Variants in MPV17L observed in about 807,000 individuals in gnomAD.
MPV17L encodes mpv17-like protein.
In MPV17L, 24 loss-of-function variants were observed where a neutral mutation model predicts 25.8. The observed-to-expected ratio is 0.93, with a 90% confidence interval of 0.67 to 1.31. The LOEUF is 1.31. Among genes scored for constraint, MPV17L ranks in the 50% most tolerant of loss-of-function variants. MPV17L has a pLI of 0.00. For missense variants in MPV17L, 250 were observed against 265.6 expected, an observed-to-expected ratio of 0.94 and a Z score of 0.41; for synonymous variants, 102 against 115.3, an observed-to-expected ratio of 0.88 and a Z score of 0.74.
At chr16:15,403,007 G>A (rs1227189422) in intron 2 of MPV17L, among the ~76,000 whole-genome samples, 1 of 151,632 alleles carries the variant, frequency 6.6e-6, no homozygotes, top group Non-Finnish European at 1.5e-5. Context: ...TTTAGAAAAA[G>A]GAACAAGTTT....
chr16:15,407,853 G>A lies in MPV17L; in HGVS notation c.411G>A (p.Gln137=), dbSNP rs1232755917. 5 of 1,612,716 alleles carry A rather than the reference G, an allele frequency of 3.1e-6. No individual in the cohort carries two copies. In the East Asian group the frequency reaches 8.9e-5, roughly 29 times the overall value. The change falls in exon 3 of 4, where the codon CAG becomes CAA. Residue 137 remains glutamine, a splice_region_variant and synonymous_variant. Transcript: ENST00000396385. ...GACTGATGTACTGGCCCTTTGTACA[G>A]GTAAGTTCCACCTACTCAGTAATAT... ...LSGLMYWPFV[Q]LTNFSLVPVQ...
Position 15,396,184 on chromosome 16 carries a change from T to C in MPV17L, c.287T>C (p.Ile96Thr). Reference protein sequence around the residue: ...LLCDQVVGAPIAVSAFYVGMS... With the variant: ...LLCDQVVGAPTAVSAFYVGMS... ...TGCGACCAGGTGGTCGGTGCGCCCA[T>C]CGCGGTCTCGGCCTTCTATGTCGGT... is the stretch of plus-strand genomic sequence containing the variant. The change falls in exon 1 of 4, where the codon ATC becomes ACC. Residue 96 changes from isoleucine to threonine, a missense_variant. Coordinates refer to ENST00000396385, the MANE Select transcript of MPV17L (RefSeq NM_001128423.2). 1 of 1,549,786 alleles carries C rather than the reference T, an allele frequency of 6.5e-7. No individual in the cohort carries two copies. Among genetic ancestry groups the C allele is most frequent in the Admixed American group, 2.0e-5 (1 of 51,106 alleles).
In MPV17L at chr16:15,410,112, CTTTA is replaced by C. The variant is rs2050720154; in HGVS notation, c.*2003_*2006del. 1 of 152,110 alleles carries C rather than the reference CTTTA, an allele frequency of 6.6e-6. No homozygotes were observed. Among genetic ancestry groups the C allele is most frequent in the South Asian group, 2.1e-4 (1 of 4,832 alleles). The allele number at this position is 152,110 out of a possible 1,614,324, so 9.4% of individuals were successfully genotyped here. The stretch of plus-strand genomic sequence containing the variant: ...TATTTAATATTTATTCAGTTCTACA[CTTTA>C]TTAACTTCTACACCAGCAGATTTAA... On this transcript the variant is annotated 3_prime_UTR_variant, in exon 4 of 4. Coordinates refer to ENST00000396385, the MANE Select transcript of MPV17L (RefSeq NM_001128423.2).
chr16:15,401,087 T>TATATATATATATATA (rs376853780), intron 2 of MPV17L, among the ~76,000 whole-genome samples: 10 of 17,854 alleles, frequency 5.6e-4, no homozygotes, highest in Non-Finnish European at 8.7e-4. Context: ...TATATATATA[T>TATATATATATATATA]TTTTTTTTTT....
intron 2 of MPV17L, among the ~76,000 whole-genome samples, chr16:15,401,813 T>A (rs1266527763): frequency 6.6e-6 from 1 of 151,984 alleles, no homozygotes; most frequent in Non-Finnish European, 1.5e-5. Flanking sequence ...CAAGACTCCA[T>A]CTCAAAAAAG....
At chr16:15,401,086 AT>A (rs1242552489) in intron 2 of MPV17L, among the ~76,000 whole-genome samples, 19 of 19,856 alleles carry the variant, frequency 9.6e-4, no homozygotes, top group South Asian at 5.8e-3. Context: ...ATATATATAT[AT>A]TTTTTTTTTT....
rs908131991 is a variant in MPV17L, at chr16:15,412,530, G to C, written c.*4418G>C. 3.3e-5 allele frequency: 5 copies of C among 151,078 alleles called. No homozygotes were observed. The highest frequency in any genetic ancestry group is 1.2e-4 in the African/African-American group (5 of 41,202). 9.4% of individuals were successfully genotyped at this position (151,078 alleles called of 1,614,324 possible). On this transcript the variant is annotated 3_prime_UTR_variant, in exon 4 of 4. Coordinates refer to ENST00000396385, the MANE Select transcript of MPV17L (RefSeq NM_001128423.2). The stretch of plus-strand genomic sequence containing the variant: ...AACTATGTTCACTACAATTGACCAA[G>C]TTAAGTGTAGACAGTCTCTTTAATA...
intron 2 of MPV17L, among the ~76,000 whole-genome samples, chr16:15,403,226 G>A (rs1298959237): frequency 9.9e-5 from 15 of 151,862 alleles, no homozygotes; most frequent in Admixed American, 9.9e-4. Flanking sequence ...CAAATTAGCA[G>A]GGCATGGTGG....
chr16:15,399,537 C>T (rs2050616216), intron 1 of MPV17L: 1 of 390,172 alleles, frequency 2.6e-6, no homozygotes, highest in Non-Finnish European at 5.0e-6. Context: ...TCTGGAGTAG[C>T]TGGGACTACA....
rs113378073 is a variant in MPV17L at position 15,410,196 on chromosome 16, A to C, written c.*2084A>C. ...CTTGGACGTAGTGGTTCACGCTTGT[A>C]ATCCCAGCACTTTGGGAGGCTGAGG... On this transcript the variant is annotated 3_prime_UTR_variant, in exon 4 of 4. Transcript: ENST00000396385. The C allele has an allele frequency of 1.3e-5, 2 of 152,216 alleles. No individual in the cohort carries two copies. The highest frequency in any genetic ancestry group is 4.8e-5 in the African/African-American group (2 of 41,458). 9.4% of individuals were successfully genotyped at this position (152,216 alleles called of 1,614,324 possible).
chr16:15,396,241 C>T (rs1218959304), intron 1 of MPV17L, 34 bp downstream of exon 1: 3 of 1,542,050 alleles, frequency 1.9e-6, no homozygotes, highest in African/African-American at 2.7e-5. Flanking sequence ...GGGGGTGGGA[C>T]CCAGTATTGG....
intron 2 of MPV17L, among the ~76,000 whole-genome samples, chr16:15,406,175 C>CA (rs1202532085): frequency 1.3e-5 from 2 of 151,394 alleles, no homozygotes; most frequent in African/African-American, 4.9e-5. Context: ...GCAACAAGAG[C>CA]AAAACTCCAT....
At chr16:15,396,373 G>C (rs1374670732) in intron 1 of MPV17L, among the ~76,000 whole-genome samples, 166 bp downstream of exon 1, 1 of 152,130 alleles carries the variant, frequency 6.6e-6, no homozygotes, top group Non-Finnish European at 1.5e-5. Context: ...GAAGGGCCAG[G>C]GCAAAGGCTA....
intron 2 of MPV17L, among the ~76,000 whole-genome samples, chr16:15,406,827 G>A (rs62039096): frequency 0.035 from 5,352 of 152,204 alleles, 153 homozygotes; most frequent in African/African-American, 0.071. Flanking sequence ...TCAGGAAGCT[G>A]AGGCAGGAGA....
At chr16:15,398,969 AG>A (rs367939269) in intron 1 of MPV17L, among the ~76,000 whole-genome samples, 1 of 151,898 alleles carries the variant, frequency 6.6e-6, no homozygotes. Flanking sequence ...GATAGAGTGG[AG>A]GTTTGCGTAA....
intron 2 of MPV17L, among the ~76,000 whole-genome samples, chr16:15,404,303 T>G (rs529544293): frequency 6.6e-6 from 1 of 152,280 alleles, no homozygotes; most frequent in South Asian, 2.1e-4. Context: ...TCCTGGAGAC[T>G]GTTGAACACC....
At chr16:15,407,235 C>T (rs1339403119) in intron 2 of MPV17L, among the ~76,000 whole-genome samples, 2 of 152,140 alleles carry the variant, frequency 1.3e-5, no homozygotes, top group African/African-American at 2.4e-5. Flanking sequence ...TTCTAGTAGA[C>T]TTTTCATTCT....
chr16:15,399,469 G>A (rs2050615345), intron 1 of MPV17L: 1 of 449,460 alleles, frequency 2.2e-6, no homozygotes. Context: ...GCAGTGATGT[G>A]ATCACAGCTC....
intron 2 of MPV17L, among the ~76,000 whole-genome samples, chr16:15,406,289 T>C (rs2050679998): frequency 6.6e-6 from 1 of 151,982 alleles, no homozygotes; most frequent in Admixed American, 6.6e-5. Context: ...TACTTTTAAA[T>C]ATAAACATAA....
Sources: gnomAD v4.1 joint callset for allele counts (sites outside exome capture counted in the v4.1 genomes callset) on GRCh38, gnomAD v4.1.1 for gene constraint, MANE v1.5 for transcripts, NCBI Gene and HGNC (gene_info 2026-07-23, HGNC 2026-07-21) for gene names.